Variants in SNX29 observed in about 807,000 individuals in gnomAD.
The protein encoded by SNX29 is sorting nexin 29, also known as sorting nexin-29.
Under a neutral mutation model 102.1 loss-of-function variants are expected in SNX29, and 78 were observed. That is an observed-to-expected ratio of 0.76 (90% confidence interval 0.64 to 0.92). The LOEUF (loss-of-function observed/expected upper bound fraction) is 0.92. Ranked by LOEUF, SNX29 falls within the 40% of genes least tolerant of loss-of-function variation. SNX29 has a pLI of 0.00. For synonymous variants in SNX29, 580 were observed against 414.5 expected, an observed-to-expected ratio of 1.40 and a Z score of -4.85; for missense variants, 1,280 against 1,061.7, an observed-to-expected ratio of 1.21 and a Z score of -2.86.
chr16:12,536,855 A>ATAACAT (rs2077099361), intron 20 of SNX29, among the ~76,000 whole-genome samples: 1 of 152,144 alleles, frequency 6.6e-6, no homozygotes, highest in Non-Finnish European at 1.5e-5. Context: ...GCACACCTGT[A>ATAACAT]ATTGTAGCTA....
intron 15 of SNX29, among the ~76,000 whole-genome samples, chr16:12,346,052 A>G (rs1217854324): frequency 1.3e-5 from 2 of 152,050 alleles, no homozygotes; most frequent in Admixed American, 6.5e-5. Flanking sequence ...TGCAGACATC[A>G]TGCAATCTAG....
At chr16:12,535,784 T>C (rs1352101676) in intron 20 of SNX29, among the ~76,000 whole-genome samples, 1 of 151,810 alleles carries the variant, frequency 6.6e-6, no homozygotes, top group Non-Finnish European at 1.5e-5. Context: ...GTCCTCAGAG[T>C]ATAGAGGCCG....
chr16:12,414,883 G>A (rs189435961), intron 18 of SNX29, among the ~76,000 whole-genome samples: 4 of 152,048 alleles, frequency 2.6e-5, no homozygotes, highest in Non-Finnish European at 4.4e-5. Flanking sequence ...CAGCATGCCC[G>A]GCTAATTTTT....
chr16:12,477,504 C>T (rs117743083), intron 18 of SNX29, among the ~76,000 whole-genome samples: 2,385 of 152,322 alleles, frequency 0.016, 31 homozygotes, highest in Non-Finnish European at 0.024. Context: ...GTATGTTCTT[C>T]CCATAACTTG....
chr16:12,372,700 AAGAGG>A (rs1341827281), intron 16 of SNX29: 1 of 152,204 alleles, frequency 6.6e-6, no homozygotes, highest in African/African-American at 2.4e-5. Context: ...GAAGGTTTCA[AAGAGG>A]AGACGTTTGA....
chr16:12,287,155 G>A (rs188189528), intron 15 of SNX29, among the ~76,000 whole-genome samples: 1 of 152,138 alleles, frequency 6.6e-6, no homozygotes, highest in African/African-American at 2.4e-5. Context: ...TCTCTGCCTT[G>A]ACTTCAGTTA....
intron 16 of SNX29, among the ~76,000 whole-genome samples, chr16:12,388,435 G>A (rs950190796): frequency 4.6e-5 from 7 of 152,178 alleles, no homozygotes; most frequent in Non-Finnish European, 7.3e-5. Context: ...ATTTTATAAA[G>A]CTATGGAGAT....
chr16:12,403,254 G>A (rs868800402), intron 17 of SNX29, among the ~76,000 whole-genome samples, 194 bp from the exon 18 acceptor site: 2 of 120,590 alleles, frequency 1.7e-5, no homozygotes, highest in East Asian at 2.2e-4. Flanking sequence ...GTGTGTGTGT[G>A]TAGAGAGAGA....
chr16:12,440,178 C>G (rs998939930), intron 18 of SNX29, among the ~76,000 whole-genome samples: 1 of 152,230 alleles, frequency 6.6e-6, no homozygotes, highest in Non-Finnish European at 1.5e-5. Context: ...CCTCCCCTTG[C>G]CTTGAGCTTC....
intron 15 of SNX29, among the ~76,000 whole-genome samples, chr16:12,278,770 C>T (rs1040601510): frequency 6.6e-6 from 1 of 152,140 alleles, no homozygotes. Context: ...AAAGTCATTA[C>T]TCAAATTCAG....
At chr16:12,565,561 A>C (rs1468958983) in intron 20 of SNX29, among the ~76,000 whole-genome samples, 2 of 152,070 alleles carry the variant, frequency 1.3e-5, no homozygotes, top group South Asian at 4.1e-4. Context: ...TGTGTCACAG[A>C]AGCCTACTGT....
intron 11 of SNX29, among the ~76,000 whole-genome samples, chr16:12,119,972 C>T (rs1009438917): frequency 3.3e-5 from 5 of 152,128 alleles, no homozygotes; most frequent in Admixed American, 2.6e-4. Flanking sequence ...CTGAGCCCTG[C>T]GAAGGGGTCT....
intron 20 of SNX29, among the ~76,000 whole-genome samples, chr16:12,551,891 G>A (rs1027070711): frequency 3.2e-4 from 48 of 152,298 alleles, no homozygotes; most frequent in African/African-American, 1.1e-3. Flanking sequence ...CTGCTCATCT[G>A]TAAGGTAGGG....
intron 18 of SNX29, 93 bp from the exon 19 acceptor site, chr16:12,477,626 C>A: frequency 6.9e-7 from 1 of 1,448,912 alleles, no homozygotes; most frequent in Non-Finnish European, 9.5e-7. Flanking sequence ...GTGACTCTTG[C>A]TGCAGTTGGT....
chr16:12,180,050 G>A (rs1320107886), intron 13 of SNX29, among the ~76,000 whole-genome samples: 1 of 152,042 alleles, frequency 6.6e-6, no homozygotes, highest in East Asian at 1.9e-4. Flanking sequence ...TTTTTGAATT[G>A]AGTTTTTAGT....
chr16:12,532,156 G>T (rs2076949504), intron 20 of SNX29, among the ~76,000 whole-genome samples: 1 of 152,222 alleles, frequency 6.6e-6, no homozygotes, highest in South Asian at 2.1e-4. Flanking sequence ...GTAACTGTGT[G>T]TTCCTGGCTC....
chr16:12,405,825 G>A (rs2084137705), intron 18 of SNX29, among the ~76,000 whole-genome samples: 1 of 152,150 alleles, frequency 6.6e-6, no homozygotes, highest in African/African-American at 2.4e-5. Flanking sequence ...CCTGAGATCA[G>A]TAGTTTGAGA....
At chr16:12,481,662 G>C (rs1277067690) in intron 19 of SNX29, among the ~76,000 whole-genome samples, 1 of 151,958 alleles carries the variant, frequency 6.6e-6, no homozygotes, top group East Asian at 1.9e-4. Flanking sequence ...AGCCTCCCGA[G>C]TAGCTGGGAC....
intron 15 of SNX29, among the ~76,000 whole-genome samples, chr16:12,346,984 C>T (rs1028857443): frequency 3.3e-5 from 5 of 152,222 alleles, no homozygotes; most frequent in African/African-American, 9.6e-5. Flanking sequence ...ACCTAAACCT[C>T]TGCTTCTCAG....
Sources: allele counts gnomAD v4.1 joint callset (sites outside exome capture counted in the v4.1 genomes callset), GRCh38; gene constraint gnomAD v4.1.1; transcripts MANE v1.5; gene names NCBI Gene and HGNC (gene_info 2026-07-23, HGNC 2026-07-21).